ARHGAP8: variants seen among roughly 807,000 people sequenced by gnomAD.
ARHGAP8 encodes rho GTPase-activating protein 8.
A neutral mutation model predicts 46.1 loss-of-function variants in ARHGAP8; 62 were observed. The ratio of observed to expected loss-of-function variants is 1.34; its 90% confidence interval spans 1.10 to 1.66. The LOEUF (loss-of-function observed/expected upper bound fraction) is 1.66, where lower values mean the gene tolerates loss of function less well. Ranked by LOEUF, ARHGAP8 falls within the 40% of genes most tolerant of loss-of-function variation. ARHGAP8 has a pLI of 0.00. For synonymous variants in ARHGAP8, 375 were observed against 243.1 expected (o/e 1.54, Z -5.05); for missense variants, 923 against 568.4 (o/e 1.62, Z -6.34).
intron 7 of ARHGAP8, among the ~76,000 whole-genome samples, chr22:44,840,634 T>G (rs1931588202): frequency 6.6e-6 from 1 of 152,208 alleles, no homozygotes; most frequent in Admixed American, 6.5e-5. Context: ...TAACTGTAGC[T>G]CGCTGGGCCC....
chr22:44,808,383 C>T lies in ARHGAP8; in HGVS notation c.244C>T (p.Arg82Trp), dbSNP rs6007304. 150 of 1,614,236 alleles carry T rather than the reference C, an allele frequency of 9.3e-5. No individual in the cohort carries two copies. The African/African-American group carries it at 1.4e-3, about 15-fold the overall frequency. ...IVYFHYGLNS[R>W]NKPSLGWLQS... ...CTATTTCCACTACGGGCTGAACAGC[C>T]GGAACAAGCCTTCCCTGGGCTGGCT... Residue 82 changes from arginine (R) to tryptophan (W), a missense_variant, in exon 4 of 12, where the codon CGG becomes TGG. Coordinates refer to ENST00000356099, the MANE Select transcript of ARHGAP8 (RefSeq NM_181335.3).
intron 7 of ARHGAP8, among the ~76,000 whole-genome samples, chr22:44,825,932 C>T (rs1446710421): frequency 2.7e-5 from 2 of 72,904 alleles, no homozygotes; most frequent in Non-Finnish European, 2.6e-5. Flanking sequence ...GGTGCCTGGT[C>T]GGGGGGGTGC....
intron 1 of ARHGAP8, among the ~76,000 whole-genome samples, chr22:44,776,052 G>C (rs1926395548): frequency 6.6e-6 from 1 of 152,124 alleles, no homozygotes. Context: ...CCAGATTTCA[G>C]GTCCCAGCTG....
intron 5 of ARHGAP8, among the ~76,000 whole-genome samples, chr22:44,821,758 T>C (rs1569162568): frequency 6.6e-6 from 1 of 152,176 alleles, no homozygotes; most frequent in Non-Finnish European, 1.5e-5. Flanking sequence ...ACCCAGGCCC[T>C]GAGAGGGAGT....
At chr22:44,840,554 G>A (rs746731936) in intron 7 of ARHGAP8, among the ~76,000 whole-genome samples, 7 of 152,234 alleles carry the variant, frequency 4.6e-5, no homozygotes, top group Middle Eastern at 3.4e-3. Flanking sequence ...TATAAACAAC[G>A]GAAATTTACT....
In ARHGAP8 at chr22:44,846,511, A is replaced by G. The variant is rs561336159; in HGVS notation, c.670+1169A>G. Among the ~76,000 whole-genome samples, 13 of 152,252 alleles carry G rather than the reference A, an allele frequency of 8.5e-5. No individual in the cohort carries two copies. In the East Asian group the frequency reaches 2.5e-3, roughly 30 times the overall value. ...AAACCCCAGACCCTGCGGCCCCAGC[A>G]TTTCCCTCAGTCACGATGCTCAGCT... On this transcript the variant is annotated intron_variant, in intron 8 of 11. Transcript: ENST00000356099.
chr22:44,825,297 C>T (rs28455751), intron 6 of ARHGAP8, among the ~76,000 whole-genome samples, 186 bp from the exon 7 acceptor site: 5,834 of 151,964 alleles, frequency 0.038, 338 homozygotes, highest in African/African-American at 0.13. Context: ...TGCGAACAGC[C>T]CACAGCAATG....
chr22:44,856,673 C>G (rs1040702919), intron 10 of ARHGAP8, among the ~76,000 whole-genome samples: 1 of 144,494 alleles, frequency 6.9e-6, no homozygotes, highest in South Asian at 2.1e-4. Context: ...CAAAACAAGA[C>G]GAAAGGAGAA....
At chr22:44,848,512 C>T (rs572781128) in intron 9 of ARHGAP8, among the ~76,000 whole-genome samples, 1 of 152,228 alleles carries the variant, frequency 6.6e-6, no homozygotes, top group African/African-American at 2.4e-5. Context: ...GACTTGCCCT[C>T]GCTCCCACTC....
chr22:44,859,611 A>C (rs1601533235), intron 10 of ARHGAP8, 120 bp from the exon 11 acceptor site: 3 of 1,093,246 alleles, frequency 2.7e-6, no homozygotes, highest in Non-Finnish European at 4.0e-6. Flanking sequence ...CCCAAGCCCA[A>C]ATGTGGGATA....
chr22:44,803,091 C>T (rs1355860134), intron 3 of ARHGAP8, among the ~76,000 whole-genome samples: 1 of 152,136 alleles, frequency 6.6e-6, no homozygotes, highest in Non-Finnish European at 1.5e-5. Context: ...TATCAGGGCC[C>T]ACCTGTGAAC....
In ARHGAP8 at chr22:44,825,537, G is replaced by C. The variant is rs763930138; in HGVS notation, c.540G>C (p.Lys180Asn). The change falls in exon 7 of 12, where the codon AAG becomes AAC. Residue 180 changes from lysine to asparagine, a missense_variant. Physicochemically the swap from Lys to Asn is moderately conservative, Grantham distance 94 (BLOSUM62 0). Coordinates refer to ENST00000356099, the MANE Select transcript of ARHGAP8 (RefSeq NM_181335.3). ...LHEGRTPPPT[K>N]TPPPRPPLPT... Reference sequence around the variant, plus strand: ...AGGGCCGGACGCCGCCTCCCACCAAGACACCACCGCCGCGGCCCCCGCTGC... The same window carrying C: ...AGGGCCGGACGCCGCCTCCCACCAACACACCACCGCCGCGGCCCCCGCTGC... The C allele has an allele frequency of 1.2e-6, 2 of 1,613,554 alleles. No homozygotes were observed. The highest frequency in any genetic ancestry group is 1.7e-6 in the Non-Finnish European group (2 of 1,179,888).
chr22:44,849,708 C>T (rs1360035228), intron 10 of ARHGAP8: 1 of 152,268 alleles, frequency 6.6e-6, no homozygotes. Context: ...GCCCTCCTTT[C>T]TTCTTGGAGC....
chr22:44,847,979 G>A lies in ARHGAP8; in HGVS notation c.677G>A (p.Arg226His), dbSNP rs148354622. 2.0e-5 allele frequency: 32 copies of A among 1,607,366 alleles called. No homozygotes were observed. Among genetic ancestry groups the A allele is most frequent in the South Asian group, 2.2e-5 (2 of 91,082 alleles). The change falls in exon 9 of 12, where the codon CGC becomes CAC. Residue 226 changes from arginine (R) to histidine (H), a missense_variant. Physicochemically the swap from Arg to His is conservative, Grantham distance 29. Coordinates refer to ENST00000356099, the MANE Select transcript of ARHGAP8 (RefSeq NM_181335.3). ...TVTYLREKGLRTEGLFRRSAS... is the reference protein window; with the variant it reads ...TVTYLREKGLHTEGLFRRSAS... ...GGAAGCTCCTCTCCTGCAGGCCTGC[G>A]CACCGAGGGCCTGTTCCGGAGATCC...
chr22:44,808,622 G>A (rs781341652), intron 4 of ARHGAP8, 184 bp downstream of exon 4: 52 of 1,176,712 alleles, frequency 4.4e-5, no homozygotes, highest in South Asian at 4.0e-4. Flanking sequence ...CTGGAATCCC[G>A]GGCAGGGGTT....
At chr22:44,838,101 G>A (rs1052445939) in intron 7 of ARHGAP8, among the ~76,000 whole-genome samples, 3 of 151,826 alleles carry the variant, frequency 2.0e-5, no homozygotes, top group African/African-American at 4.8e-5. Flanking sequence ...AGCATCCCAA[G>A]TAGCTGAGAT....
chr22:44,797,813 A>ATT (rs113478485), intron 2 of ARHGAP8, among the ~76,000 whole-genome samples: 1 of 151,220 alleles, frequency 6.6e-6, no homozygotes, highest in African/African-American at 2.4e-5. Context: ...CAAGTGTGTA[A>ATT]TTTTTTTTTC....
chr22:44,859,062 T>C (rs1055482601), intron 10 of ARHGAP8, among the ~76,000 whole-genome samples: 2 of 151,102 alleles, frequency 1.3e-5, no homozygotes, highest in South Asian at 2.1e-4. Context: ...CCATGGGCCG[T>C]AGTTTGCCAA....
chr22:44,840,967 C>A (rs1931612985), intron 7 of ARHGAP8, among the ~76,000 whole-genome samples: 1 of 152,186 alleles, frequency 6.6e-6, no homozygotes, highest in Non-Finnish European at 1.5e-5. Flanking sequence ...CTGGTGAGTA[C>A]CTGCCGTGCC....
Sources: allele counts gnomAD v4.1 joint callset (sites outside exome capture counted in the v4.1 genomes callset), GRCh38; gene constraint gnomAD v4.1.1; transcripts MANE v1.5; gene names NCBI Gene and HGNC (gene_info 2026-07-23, HGNC 2026-07-21).